CLEC4F: variants seen among roughly 807,000 people sequenced by gnomAD.
CLEC4F encodes the protein C-type (calcium dependent, carbohydrate-recognition domain) lectin, superfamily member 13.
CLEC4F carries 45 observed loss-of-function variants against 53.4 expected under a neutral mutation model. The ratio of observed to expected loss-of-function variants is 0.84; its 90% CI spans 0.66 to 1.08. The LOEUF (loss-of-function observed/expected upper bound fraction) is 1.08. CLEC4F is among the 50% of genes least tolerant of loss of function. The probability of loss-of-function intolerance (pLI) is 0.00; values close to 1 mark genes in which losing one functional copy is unlikely to be tolerated. For synonymous variants in CLEC4F, 245 were observed against 257.5 expected (o/e 0.95, Z 0.46); for missense variants, 753 against 698.2 (o/e 1.08, Z -0.88).
Position 70,809,397 on chromosome 2 carries a change from G to A in CLEC4F, c.1659-15C>T. 1 of 1,587,002 alleles carries A rather than the reference G, an allele frequency of 6.3e-7. No homozygotes were observed. On this transcript the variant is annotated splice_polypyrimidine_tract_variant and intron_variant, in intron 6 of 6. Transcript: ENST00000272367. ...TGGAACCAGGCCTGAGTAGGGCAGGGGGAAAAAAACAGAAAGACCCACTCA... is the reference window on the plus strand; with the variant it reads ...TGGAACCAGGCCTGAGTAGGGCAGGAGGAAAAAAACAGAAAGACCCACTCA...
chr2:70,815,897 A>C, intron 4 of CLEC4F, 97 bp downstream of exon 4: 1 of 1,299,274 alleles, frequency 7.7e-7, no homozygotes, highest in Admixed American at 2.3e-5. Flanking sequence ...GGTCAAGGAG[A>C]TGCATGTTGC....
At chr2:70,813,770 C>T (rs903114222) in intron 4 of CLEC4F, among the ~76,000 whole-genome samples, 13 of 151,956 alleles carry the variant, frequency 8.6e-5, no homozygotes, top group East Asian at 1.9e-4. Context: ...CTCTACCTCC[C>T]GGGTTCAAGC....
chr2:70,817,246 C>A, intron 3 of CLEC4F, 134 bp from the exon 4 acceptor site: 1 of 925,278 alleles, frequency 1.1e-6, no homozygotes, highest in Non-Finnish European at 1.6e-6. Flanking sequence ...CCCCAAGCAC[C>A]CTCCTGGTCA....
chr2:70,824,024 C>CAAAAAAAA (rs1179902981), upstream of CLEC4F, among the ~76,000 whole-genome samples: 3 of 60,668 alleles, frequency 4.9e-5, no homozygotes, highest in Admixed American at 1.8e-4. Flanking sequence ...AGCAAGACTC[C>CAAAAAAAA]AAAAAAAAAA....
intron 6 of CLEC4F, among the ~76,000 whole-genome samples, 174 bp from the exon 7 acceptor site, chr2:70,809,556 A>G (rs1361200213): frequency 5.9e-5 from 9 of 152,132 alleles, no homozygotes; most frequent in Admixed American, 5.9e-4. Context: ...CACCTCGCAC[A>G]CCACATGCAT....
At chr2:70,823,978 C>T (rs924047997), upstream of CLEC4F, among the ~76,000 whole-genome samples, 21 of 142,004 alleles carry the variant, frequency 1.5e-4, no homozygotes, top group Admixed American at 1.4e-3. Flanking sequence ...GGCAGTGAGC[C>T]GAGATTGTGC....
Position 70,819,908 on chromosome 2 carries a change from A to AAG in CLEC4F, c.62-18_62-17insCT, listed in dbSNP as rs782738355. 2.0e-6 allele frequency: 3 copies of AAG among 1,538,016 alleles called. No homozygotes were observed. The highest frequency in any genetic ancestry group is 1.8e-6 in the Non-Finnish European group (2 of 1,135,274). ...AGTCCACCTCTGCAGGGGAGAAGGC[A>AAG]GTGTCCAAGGTGAGAGGGTGCTGTG... On this transcript the variant is annotated splice_polypyrimidine_tract_variant and intron_variant, in intron 1 of 6. Coordinates refer to ENST00000272367, the MANE Select transcript of CLEC4F (RefSeq NM_173535.3).
upstream of CLEC4F, among the ~76,000 whole-genome samples, chr2:70,824,850 C>A (rs902856420): frequency 3.1e-4 from 47 of 152,200 alleles, no homozygotes; most frequent in African/African-American, 1.1e-3. Flanking sequence ...GTCTCTAGGG[C>A]AGAAAATGTC....
chr2:70,819,393 C>T lies in CLEC4F; in HGVS notation c.230G>A (p.Gly77Glu), dbSNP rs1350118897. Residue 77 changes from glycine to glutamate, a missense_variant, in exon 3 of 7, where the codon GGA becomes GAA. Gly to Glu is a moderately conservative substitution (Grantham distance 98). Coordinates refer to ENST00000272367, the MANE Select transcript of CLEC4F (RefSeq NM_173535.3). ...AGGTAAATGCCCAGTAATGTTGTCTCCCAGAATTACGGCTTGCACAGGCTT... is the reference window on the plus strand; with the variant it reads ...AGGTAAATGCCCAGTAATGTTGTCTTCCAGAATTACGGCTTGCACAGGCTT... The part of the protein sequence containing the change: ...VPKPVQAVIL[G>E]DNITGHLPFE... 1.2e-6 allele frequency: 2 copies of T among 1,614,014 alleles called. No individual in the cohort carries two copies. Among genetic ancestry groups the T allele is most frequent in the Non-Finnish European group, 1.7e-6 (2 of 1,180,032 alleles).
chr2:70,815,898 T>C (rs1676869556), intron 4 of CLEC4F, 96 bp downstream of exon 4: 1 of 1,307,508 alleles, frequency 7.6e-7, no homozygotes, highest in East Asian at 2.3e-5. Flanking sequence ...GTCAAGGAGA[T>C]GCATGTTGCA....
At chr2:70,815,072 G>T (rs1676821720) in intron 4 of CLEC4F, among the ~76,000 whole-genome samples, 1 of 152,156 alleles carries the variant, frequency 6.6e-6, no homozygotes, top group Non-Finnish European at 1.5e-5. Context: ...CGTCACTGCT[G>T]CCCACCAAGC....
At position 70,816,119 on chromosome 2, in the gene CLEC4F, A is replaced by G; in HGVS notation, c.1262T>C (p.Ile421Thr). The change falls in exon 4 of 7, where the codon ATC (isoleucine) becomes ACC (threonine). Residue 421 changes from isoleucine to threonine, a missense_variant. By Grantham distance (89) the Ile-to-Thr change is moderately conservative. Coordinates refer to ENST00000272367, the MANE Select transcript of CLEC4F (RefSeq NM_173535.3). ...CTCTAGATCCCCTCTTAACCTCTGGATCTCGGCACTGGCCTTCTGCAGATT... is the reference window on the plus strand; with the variant it reads ...CTCTAGATCCCCTCTTAACCTCTGGGTCTCGGCACTGGCCTTCTGCAGATT... ...DSNLQKASAEIQRLRGDLENT... is the reference protein window; with the variant it reads ...DSNLQKASAETQRLRGDLENT... The G allele has an allele frequency of 6.2e-7, 1 of 1,614,070 alleles. No homozygotes were observed. Among genetic ancestry groups the G allele is most frequent in the East Asian group, 2.2e-5 (1 of 44,882 alleles).
intron 4 of CLEC4F, 72 bp downstream of exon 4, chr2:70,815,922 T>C: frequency 6.8e-7 from 1 of 1,468,908 alleles, no homozygotes. Flanking sequence ...AAAAAGAGGC[T>C]GATGAGATGG....
intron 1 of CLEC4F, 38 bp from the exon 2 acceptor site, chr2:70,819,929 C>T (rs372532806): frequency 4.2e-5 from 59 of 1,415,000 alleles, no homozygotes; most frequent in Non-Finnish European, 5.4e-5. Context: ...TGAGAGGGTG[C>T]TGTGCAAGGT....
In CLEC4F at chr2:70,819,763, C is replaced by G. The variant is rs1677127299; in HGVS notation, c.178+12G>C. 3.6e-5 allele frequency: 57 copies of G among 1,562,070 alleles called. No individual in the cohort carries two copies. Among genetic ancestry groups the G allele is most frequent in the Non-Finnish European group, 4.6e-5 (53 of 1,152,960 alleles). Reference sequence around the variant, plus strand: ...AGAAAGTTAGTGAGATTTGGGTCACCTGGGGGCTTACCCACTACAAAGAGA... The same window carrying G: ...AGAAAGTTAGTGAGATTTGGGTCACGTGGGGGCTTACCCACTACAAAGAGA... On this transcript the variant is annotated intron_variant, in intron 2 of 6. Transcript: ENST00000272367.
chr2:70,822,087 C>CT (rs1553398152), upstream of CLEC4F, among the ~76,000 whole-genome samples: 1 of 152,090 alleles, frequency 6.6e-6, no homozygotes, highest in Admixed American at 6.6e-5. Flanking sequence ...GTTGACCAGG[C>CT]AGAAGTGGGG....
chr2:70,810,941 C>G (rs1425839194), intron 5 of CLEC4F: 1 of 539,628 alleles, frequency 1.9e-6, no homozygotes, highest in African/African-American at 1.9e-5. Flanking sequence ...TCATATTCAT[C>G]AAATATCTGC....
rs1677105626 is a variant in CLEC4F at position 70,819,435 on chromosome 2, T to C, written c.188A>G (p.Gln63Arg). 4 of 1,614,030 alleles carry C rather than the reference T, an allele frequency of 2.5e-6. No homozygotes were observed. The highest frequency in any genetic ancestry group is 3.4e-6 in the Non-Finnish European group (4 of 1,179,992). The change falls in exon 3 of 7, where the codon CAG becomes CGG. Residue 63 changes from glutamine to arginine, a missense_variant. Coordinates refer to ENST00000272367, the MANE Select transcript of CLEC4F (RefSeq NM_173535.3). The stretch of plus-strand genomic sequence containing the variant: ...CACAGGCTTCGGAACAGGTCTTGTC[T>C]GCTGTTGAACTGAGACATTCCATTT... ...LVTLFVVVQQ[Q>R]TRPVPKPVQA... is the part of the protein sequence containing the mutation.
intron 4 of CLEC4F, among the ~76,000 whole-genome samples, chr2:70,814,880 G>T (rs1553395398): frequency 6.6e-6 from 1 of 151,556 alleles, no homozygotes; most frequent in Non-Finnish European, 1.5e-5. Flanking sequence ...GGGTCCCCAG[G>T]CATCAGTATT....
Sources: gnomAD v4.1 joint callset for allele counts (sites outside exome capture counted in the v4.1 genomes callset) on GRCh38, gnomAD v4.1.1 for gene constraint, MANE v1.5 for transcripts, NCBI Gene and HGNC (gene_info 2026-07-23, HGNC 2026-07-21) for gene names.